OAS3: variants seen among roughly 807,000 people sequenced by gnomAD.
OAS3 encodes 2'-5'-oligoadenylate synthetase 3.
Under a neutral mutation model 113.0 loss-of-function variants are expected in OAS3, and 107 were observed. That is an observed-to-expected ratio of 0.95 (90% CI 0.81 to 1.11). The LOEUF (loss-of-function observed/expected upper bound fraction) is 1.11. OAS3 is among the 50% of genes most tolerant of loss of function. The probability of loss-of-function intolerance (pLI) is 0.00; values close to 1 mark genes in which losing one functional copy is unlikely to be tolerated. For synonymous variants in OAS3, 552 were observed against 573.6 expected, an observed-to-expected ratio of 0.96 and a Z score of 0.54; for missense variants, 1,258 against 1,389.1, an observed-to-expected ratio of 0.91 and a Z score of 1.50.
chr12:112,959,326 A>G (rs1433292397), intron 7 of OAS3, among the ~76,000 whole-genome samples: 1 of 151,512 alleles, frequency 6.6e-6, no homozygotes, highest in Non-Finnish European at 1.5e-5. Flanking sequence ...GCTTCGGCTC[A>G]TGGTCCGTGG....
At chr12:112,968,231 C>A in intron 14 of OAS3, 57 bp downstream of exon 14, 1 of 1,552,214 alleles carries the variant, frequency 6.4e-7, no homozygotes, top group East Asian at 2.3e-5. Context: ...TCACTCTCCC[C>A]ACTTTCTAGA....
chr12:112,950,953 G>GCTGC lies in OAS3; in HGVS notation c.1642_1645dup (p.Phe549CysfsTer33). 1 of 1,613,478 alleles carries GCTGC rather than the reference G, an allele frequency of 6.2e-7. No individual in the cohort carries two copies. Among genetic ancestry groups the GCTGC allele is most frequent in the Non-Finnish European group, 8.5e-7 (1 of 1,179,544 alleles). ...TGAAGAGCTGGACGGATGTTAGCCT[G>GCTGC]CTGCCTGCCTTCGATGCTGTGGGTG... On this transcript the variant is annotated frameshift_variant, in exon 7 of 16. Coordinates refer to ENST00000228928, the MANE Select transcript of OAS3 (RefSeq NM_006187.4). LOFTEE classifies it high-confidence loss of function.
intron 5 of OAS3, 131 bp from the exon 6 acceptor site, chr12:112,948,730 C>CCCT (rs1241937604): frequency 1.4e-6 from 1 of 709,782 alleles, no homozygotes; most frequent in Non-Finnish European, 2.3e-6. Context: ...TTAGCCATGG[C>CCCT]CCTCCCACTT....
chr12:112,946,614 G>T, intron 3 of OAS3, 129 bp from the exon 4 acceptor site: 10 of 688,672 alleles, frequency 1.5e-5, no homozygotes, highest in Middle Eastern at 4.1e-4. Flanking sequence ...ACTTGTTCTT[G>T]GAACAGGCTT....
rs1165569760 is a variant in OAS3 at position 112,954,786 on chromosome 12, A to G, written c.1657+3811A>G. Among the ~76,000 whole-genome samples the G allele has an allele frequency of 6.6e-6, 1 of 152,044 alleles. No homozygotes were observed. Among genetic ancestry groups the G allele is most frequent in the East Asian group, 1.9e-4 (1 of 5,198 alleles). On this transcript the variant is annotated intron_variant, in intron 7 of 15. Transcript: ENST00000228928. The surrounding 1 kb of genome is among the most constrained non-coding windows in gnomAD (Gnocchi z 4.0). ...TCCAGCTTTGTTCTTTTGGCTTAGGATTGTCTTGGCAATGCAGGCTCTTTT... is the reference window on the plus strand; with the variant it reads ...TCCAGCTTTGTTCTTTTGGCTTAGGGTTGTCTTGGCAATGCAGGCTCTTTT...
chr12:112,951,722 C>T (rs2043794090), intron 7 of OAS3, among the ~76,000 whole-genome samples: 1 of 151,170 alleles, frequency 6.6e-6, no homozygotes, highest in Non-Finnish European at 1.5e-5. Flanking sequence ...TCCATCCAGG[C>T]ATGGTGGATC....
chr12:112,967,829 A>AG, intron 13 of OAS3, 107 bp from the exon 14 acceptor site: 1 of 1,298,890 alleles, frequency 7.7e-7, no homozygotes, highest in Non-Finnish European at 1.0e-6. Flanking sequence ...TGGCACATGT[A>AG]GGTGCTCAAT....
Position 112,969,640 on chromosome 12 carries a change from G to T in OAS3, c.3137G>T (p.Gly1046Val), listed in dbSNP as rs1392609684. ...ATCCTGGATCCGGCTGACCCGACAGGCAACCTGGGCCACAATGCCCGCTGG... is the reference window on the plus strand; with the variant it reads ...ATCCTGGATCCGGCTGACCCGACAGTCAACCTGGGCCACAATGCCCGCTGG... Reference protein sequence around the residue: ...PIILDPADPTGNLGHNARWDL... With the variant: ...PIILDPADPTVNLGHNARWDL... The change falls in exon 15 of 16, where the codon GGC becomes GTC. Residue 1046 changes from glycine to valine, a missense_variant. Coordinates refer to ENST00000228928, the MANE Select transcript of OAS3 (RefSeq NM_006187.4). 10 of 1,605,242 alleles carry T rather than the reference G, an allele frequency of 6.2e-6. No homozygotes were observed. In the African/African-American group the frequency reaches 1.2e-4, roughly 19 times the overall value.
At position 112,963,601 on chromosome 12, in the gene OAS3, C is replaced by A; in HGVS notation, c.2229+144C>A. The stretch of plus-strand genomic sequence containing the variant: ...AGCCACCCCTTCTCTGGAGACTTGC[C>A]TTTCATGAAATGCACAGATTGCTAC... On this transcript the variant is annotated intron_variant, in intron 10 of 15. Coordinates refer to ENST00000228928, the MANE Select transcript of OAS3 (RefSeq NM_006187.4). The surrounding 1 kb of genome is among the most constrained non-coding windows in gnomAD (Gnocchi z 4.6). 1.2e-6 allele frequency: 1 copy of A among 805,046 alleles called. No homozygotes were observed. The highest frequency in any genetic ancestry group is 1.8e-6 in the Non-Finnish European group (1 of 558,038). 49.9% of individuals were successfully genotyped at this position (805,046 alleles called of 1,614,324 possible).
rs889166547 is a variant in OAS3 at position 112,963,562 on chromosome 12, G to A, written c.2229+105G>A. 1.7e-6 allele frequency: 2 copies of A among 1,184,744 alleles called. No individual in the cohort carries two copies. The highest frequency in any genetic ancestry group is 3.2e-5 in the African/African-American group (2 of 63,206). 73.4% of individuals were successfully genotyped at this position (1,184,744 alleles called of 1,614,324 possible). On this transcript the variant is annotated intron_variant, in intron 10 of 15. Coordinates refer to ENST00000228928, the MANE Select transcript of OAS3 (RefSeq NM_006187.4). The surrounding 1 kb of genome is among the most constrained non-coding windows in gnomAD (Gnocchi z 4.6). ...ATCCCCAGCTGCTAGGAGTGTTGGT[G>A]GCTGACAACTCATAGCCACCCCTTC...
At position 112,944,426 on chromosome 12, in the gene OAS3, A is replaced by G. The variant is rs1291288422; in HGVS notation, c.461-50A>G. ...GAGCTCGGCACCAACACCGCCCTCCATCCTGTGTCCTCAGTGCCCTCCCTA... is the reference window on the plus strand; with the variant it reads ...GAGCTCGGCACCAACACCGCCCTCCGTCCTGTGTCCTCAGTGCCCTCCCTA... On this transcript the variant is annotated intron_variant, in intron 2 of 15. Transcript: ENST00000228928. 4 of 1,606,532 alleles carry G rather than the reference A, an allele frequency of 2.5e-6. No homozygotes were observed. In the East Asian group the frequency reaches 6.7e-5, roughly 27 times the overall value.
rs913054251 is a variant in OAS3 at position 112,971,518 on chromosome 12, G to C, written c.*1545G>C. On this transcript the variant is annotated 3_prime_UTR_variant, in exon 16 of 16. Transcript: ENST00000228928. ...CAGATGCATCCTGGCCATCTGTTGC[G>C]TGGATGAGGGAGTGGGTCTATCTCA... 1 of 152,530 alleles carries C rather than the reference G, an allele frequency of 6.6e-6. No homozygotes were observed. The highest frequency in any genetic ancestry group is 2.4e-5 in the African/African-American group (1 of 41,584). 9.4% of individuals were successfully genotyped at this position (152,530 alleles called of 1,614,324 possible).
At chr12:112,944,007 T>C in intron 2 of OAS3, among the ~76,000 whole-genome samples, 1 of 152,178 alleles carries the variant, frequency 6.6e-6, no homozygotes, top group Non-Finnish European at 1.5e-5. Context: ...GTAAAAAATA[T>C]CAACAACCAC....
intron 6 of OAS3, chr12:112,950,481 C>T (rs2043778491): frequency 1.7e-6 from 1 of 599,866 alleles, no homozygotes; most frequent in East Asian, 2.8e-5. Flanking sequence ...CTTCATGGAT[C>T]AGAGGGCAGG....
In OAS3 at chr12:112,972,888, G is replaced by A. The variant is rs2043997950; in HGVS notation, c.*2915G>A. On this transcript the variant is annotated 3_prime_UTR_variant, in exon 16 of 16. Transcript: ENST00000228928. ...GGACTGCAAAGAAATTGGTGTGTGT[G>A]TGTGTGTGTGTGTGTGTGTGTGTGT... 1 of 104,128 alleles carries A rather than the reference G, an allele frequency of 9.6e-6. No individual in the cohort carries two copies. The highest frequency in any genetic ancestry group is 1.0e-4 in the Admixed American group (1 of 9,872). 6.5% of individuals were successfully genotyped at this position (104,128 alleles called of 1,614,324 possible).
chr12:112,958,386 G>A (rs942067428), intron 7 of OAS3, among the ~76,000 whole-genome samples: 10 of 152,364 alleles, frequency 6.6e-5, no homozygotes, highest in East Asian at 3.9e-4. Flanking sequence ...CATTGCTTGC[G>A]AGGAGCTGCG....
chr12:112,966,141 C>T (rs922292177), intron 12 of OAS3, 112 bp downstream of exon 12: 12 of 1,087,080 alleles, frequency 1.1e-5, no homozygotes, highest in African/African-American at 1.1e-4. Context: ...CGCATCATTG[C>T]AGGCATTGTA....
At chr12:112,941,058 C>A (rs373421979) in intron 1 of OAS3, among the ~76,000 whole-genome samples, 10 of 152,078 alleles carry the variant, frequency 6.6e-5, no homozygotes, top group African/African-American at 2.2e-4. Context: ...CACGGTGGTG[C>A]ATGCCTATAG....
chr12:112,949,768 TG>T (rs2043772539), intron 6 of OAS3, among the ~76,000 whole-genome samples: 1 of 152,114 alleles, frequency 6.6e-6, no homozygotes, highest in Admixed American at 6.5e-5. Context: ...CCTGTAATCC[TG>T]GAACTTTGGG....
Sources: allele counts gnomAD v4.1 joint callset (sites outside exome capture counted in the v4.1 genomes callset), GRCh38; gene constraint gnomAD v4.1.1; non-coding constraint Gnocchi (gnomAD v3.1); transcripts MANE v1.5; gene names NCBI Gene and HGNC (gene_info 2026-07-23, HGNC 2026-07-21).